SPATA16: variants seen among roughly 807,000 people sequenced by gnomAD.
The protein encoded by SPATA16 is spermatogenesis-associated protein 16.
In SPATA16, 36 loss-of-function variants were observed where a neutral mutation model predicts 63.3. The ratio of observed to expected loss-of-function variants is 0.57; its 90% CI spans 0.44 to 0.75. The LOEUF (loss-of-function observed/expected upper bound fraction) is 0.75. SPATA16 is among the 30% of genes least tolerant of loss of function. SPATA16 has a pLI of 0.00. For missense variants in SPATA16, 646 were observed against 679.3 expected (o/e 0.95, Z 0.54); for synonymous variants, 203 against 216.7 (o/e 0.94, Z 0.56).
At chr3:172,957,847 T>C (rs1733637809) in intron 5 of SPATA16, among the ~76,000 whole-genome samples, 1 of 152,212 alleles carries the variant, frequency 6.6e-6, no homozygotes, top group Admixed American at 6.5e-5. Flanking sequence ...GAGTGGATTT[T>C]AAACTGGGAA....
intron 5 of SPATA16, among the ~76,000 whole-genome samples, chr3:172,973,752 C>T (rs1234116270): frequency 6.6e-6 from 1 of 152,078 alleles, no homozygotes; most frequent in Non-Finnish European, 1.5e-5. Context: ...TATATAAATA[C>T]GATAGGGCAG....
intron 4 of SPATA16, among the ~76,000 whole-genome samples, chr3:172,992,376 T>G (rs1734597829): frequency 6.6e-6 from 1 of 152,058 alleles, no homozygotes; most frequent in South Asian, 2.1e-4. Context: ...AATAAACAGT[T>G]TTTTTGGGGG....
intron 10 of SPATA16, among the ~76,000 whole-genome samples, chr3:172,893,739 C>T (rs1731942134): frequency 6.6e-6 from 1 of 152,200 alleles, no homozygotes; most frequent in South Asian, 2.1e-4. Flanking sequence ...GGGAACCAGG[C>T]TTCTCTCTTG....
At chr3:173,029,834 A>G (rs1356252131) in intron 3 of SPATA16, among the ~76,000 whole-genome samples, 2 of 151,984 alleles carry the variant, frequency 1.3e-5, no homozygotes, top group Non-Finnish European at 2.9e-5. Flanking sequence ...CTAGAGTGTA[A>G]TGGTGTGATC....
chr3:173,047,388 G>C (rs956833722), intron 3 of SPATA16, among the ~76,000 whole-genome samples: 1 of 151,888 alleles, frequency 6.6e-6, no homozygotes, highest in Non-Finnish European at 1.5e-5. Context: ...AGGCCATGTA[G>C]GCGGCCCTTT....
intron 4 of SPATA16, among the ~76,000 whole-genome samples, chr3:172,986,595 C>A (rs1485914866): frequency 1.3e-5 from 2 of 152,110 alleles, no homozygotes; most frequent in Non-Finnish European, 2.9e-5. Flanking sequence ...TAGCACACAG[C>A]TTGAACACAG....
At chr3:173,030,057 ACTATCTATCTATCTATCTATCTAT>A (rs71785029) in intron 3 of SPATA16, among the ~76,000 whole-genome samples, 5 of 149,096 alleles carry the variant, frequency 3.4e-5, no homozygotes, top group South Asian at 2.2e-4. Context: ...TGGTTACTTT[ACTATCTATCTATCTATCTATCTAT>A]CTATCTATCT....
At chr3:173,010,846 TGAGGC>T (rs1401393429) in intron 4 of SPATA16, among the ~76,000 whole-genome samples, 1 of 152,034 alleles carries the variant, frequency 6.6e-6, no homozygotes, top group Non-Finnish European at 1.5e-5. Flanking sequence ...GCCAGTGACC[TGAGGC>T]TGCCCCTCCC....
At chr3:172,920,010 A>G (rs1732584136) in intron 8 of SPATA16, among the ~76,000 whole-genome samples, 1 of 152,188 alleles carries the variant, frequency 6.6e-6, no homozygotes, top group Non-Finnish European at 1.5e-5. Flanking sequence ...TCATTTTTTA[A>G]AAATTGAATC....
intron 1 of SPATA16, among the ~76,000 whole-genome samples, chr3:173,138,138 T>C (rs527312562): frequency 6.6e-6 from 1 of 152,294 alleles, no homozygotes; most frequent in East Asian, 1.9e-4. Context: ...AAGCTATAAC[T>C]TCGGTGATCG....
At chr3:172,939,187 G>A (rs1733086086) in intron 6 of SPATA16, among the ~76,000 whole-genome samples, 1 of 152,048 alleles carries the variant, frequency 6.6e-6, no homozygotes. Context: ...AAAAACTGTT[G>A]CCTGCAATAC....
At chr3:173,076,902 C>T (rs1327681556) in intron 2 of SPATA16, among the ~76,000 whole-genome samples, 3 of 152,108 alleles carry the variant, frequency 2.0e-5, no homozygotes, top group Non-Finnish European at 4.4e-5. Flanking sequence ...CTGATTATAA[C>T]AGGCAGCAAA....
chr3:173,017,863 A>G (rs1025808667), intron 4 of SPATA16, among the ~76,000 whole-genome samples: 2 of 152,182 alleles, frequency 1.3e-5, no homozygotes, highest in Non-Finnish European at 2.9e-5. Context: ...AGTGACCTTT[A>G]TTAAAACCTG....
At chr3:172,977,408 T>G (rs1330082178) in intron 4 of SPATA16, among the ~76,000 whole-genome samples, 2 of 152,174 alleles carry the variant, frequency 1.3e-5, no homozygotes, top group African/African-American at 4.8e-5. Context: ...TAGGAACTTT[T>G]AGCTCTTCAA....
intron 4 of SPATA16, among the ~76,000 whole-genome samples, chr3:172,998,492 C>T (rs1250252099): frequency 6.6e-6 from 1 of 152,054 alleles, no homozygotes; most frequent in East Asian, 1.9e-4. Flanking sequence ...CAGACAAAGA[C>T]AATTTTATTT....
chr3:173,092,568 A>C (rs1737249996), intron 2 of SPATA16, among the ~76,000 whole-genome samples: 1 of 152,172 alleles, frequency 6.6e-6, no homozygotes, highest in Non-Finnish European at 1.5e-5. Context: ...GGCTTTGAAG[A>C]CGGAGGAAGG....
intron 5 of SPATA16, among the ~76,000 whole-genome samples, chr3:172,967,286 A>G (rs911736949): frequency 7.2e-5 from 11 of 152,180 alleles, no homozygotes; most frequent in Non-Finnish European, 1.5e-4. Flanking sequence ...TTTAGGAGGC[A>G]AAAAAAGTAA....
chr3:173,075,014 G>GAAAA (rs1198323792), intron 2 of SPATA16, among the ~76,000 whole-genome samples: 1 of 137,472 alleles, frequency 7.3e-6, no homozygotes, highest in African/African-American at 2.8e-5. Context: ...AAAAAAAAAG[G>GAAAA]AAAGAAAAGA....
chr3:173,081,438 C>A (rs1467318621), intron 2 of SPATA16, among the ~76,000 whole-genome samples: 2 of 152,120 alleles, frequency 1.3e-5, no homozygotes, highest in Non-Finnish European at 1.5e-5. Context: ...TGAGTCGCTT[C>A]CTGGTCTAAG....
Sources: allele counts gnomAD v4.1 joint callset (sites outside exome capture counted in the v4.1 genomes callset), GRCh38; gene constraint gnomAD v4.1.1; transcripts MANE v1.5; gene names NCBI Gene and HGNC (gene_info 2026-07-23, HGNC 2026-07-21).